TRIP11: variants seen among roughly 807,000 people sequenced by gnomAD.
TRIP11 encodes the protein thyroid hormone receptor interactor 11, also known as thyroid receptor-interacting protein 11.
TRIP11 carries 148 observed loss-of-function variants against 223.1 expected under a neutral mutation model. The ratio of observed to expected loss-of-function variants is 0.66; its 90% CI spans 0.58 to 0.76. TRIP11 has a LOEUF of 0.76. Among genes scored for constraint, TRIP11 ranks in the 30% least tolerant of loss-of-function variants. TRIP11 has a pLI of 0.00. For synonymous variants in TRIP11, 762 were observed against 772.6 expected, an observed-to-expected ratio of 0.99 and a Z score of 0.23; for missense variants, 2,043 against 2,222.0, an observed-to-expected ratio of 0.92 and a Z score of 1.62.
At position 91,967,768 on chromosome 14, in the gene TRIP11, C is replaced by T. The variant is rs2056354936; in HGVS notation, c.*1905G>A. The T allele has an allele frequency of 1.0e-5, 2 of 194,352 alleles. No homozygotes were observed. Among genetic ancestry groups the T allele is most frequent in the Admixed American group, 1.2e-4 (2 of 16,434 alleles). The allele number at this position is 194,352 out of a possible 1,614,324, so 12.0% of individuals were successfully genotyped here. A position where few individuals can be genotyped will look rare whatever the true frequency, so the allele number is the denominator to read the frequency against. On this transcript the variant is annotated 3_prime_UTR_variant, in exon 21 of 21. Coordinates refer to ENST00000267622, the MANE Select transcript of TRIP11 (RefSeq NM_004239.4). ...CTTAGAAACTAGTATTTCATTTCTC[C>T]ACACTGAAATGAAATTTCAATGGCA...
chr14:91,975,412 TA>T (rs1161024699), intron 17 of TRIP11, 126 bp from the exon 18 acceptor site: 4 of 506,128 alleles, frequency 7.9e-6, no homozygotes, highest in African/African-American at 4.0e-5. Flanking sequence ...CTAAACAAAA[TA>T]TTTTAAAGTG....
At position 92,026,479 on chromosome 14, in the gene TRIP11, C is replaced by A. The variant is rs1173012685; in HGVS notation, c.202-1059G>T. 6.1e-6 allele frequency: 5 copies of A among 820,520 alleles called. No homozygotes were observed. In the East Asian group the frequency reaches 1.3e-4, roughly 21 times the overall value. The allele number at this position is 820,520 out of a possible 1,614,324, so 50.8% of individuals were successfully genotyped here. On this transcript the variant is annotated intron_variant, in intron 2 of 20. Transcript: ENST00000267622. ...ATTGTTCCTCGTCCGCCTCCTTGCT[C>A]GCCGCAGCCGGCAGCTTTATCGCCA...
At chr14:92,024,203 C>T (rs1425779813) in intron 3 of TRIP11, among the ~76,000 whole-genome samples, 1 of 151,966 alleles carries the variant, frequency 6.6e-6, no homozygotes, top group Non-Finnish European at 1.5e-5. Flanking sequence ...CGTGGTGAAA[C>T]CCCATCTCTA....
chr14:91,992,079 C>CAAAAAAA (rs3031548), intron 15 of TRIP11, among the ~76,000 whole-genome samples: 15 of 59,716 alleles, frequency 2.5e-4, no homozygotes, highest in Admixed American at 2.9e-4. Flanking sequence ...AACGCCGTCT[C>CAAAAAAA]AAAAAAAAAA....
At position 92,018,811 on chromosome 14, in the gene TRIP11, A is replaced by G. The variant is rs1449120649; in HGVS notation, c.589-1061T>C. On this transcript the variant is annotated intron_variant, in intron 4 of 20. Coordinates refer to ENST00000267622, the MANE Select transcript of TRIP11 (RefSeq NM_004239.4). ...TCACTATTAAAAATACAAAAAAAAA[A>G]TTAGCTGGGAGTGGTGGCGGGTGCC... Among the ~76,000 whole-genome samples the G allele has an allele frequency of 3.8e-4, 57 of 151,828 alleles. 1 individual carries two copies. Among genetic ancestry groups the G allele is most frequent in the Admixed American group, 3.7e-3 (57 of 15,238 alleles).
At chr14:91,981,012 ATT>A (rs564098716) in intron 16 of TRIP11, among the ~76,000 whole-genome samples, 173 of 49,846 alleles carry the variant, frequency 3.5e-3, no homozygotes, top group African/African-American at 7.9e-3. Context: ...ATATATATAT[ATT>A]TTTTTTTTTT....
chr14:92,020,575 T>C (rs936625848), intron 4 of TRIP11, among the ~76,000 whole-genome samples: 3 of 151,924 alleles, frequency 2.0e-5, no homozygotes, highest in Non-Finnish European at 4.4e-5. Flanking sequence ...AGTCCTGGTG[T>C]TTACACCAGA....
At position 92,006,175 on chromosome 14, in the gene TRIP11, T is replaced by G; in HGVS notation, c.1801A>C (p.Ser601Arg). Residue 601 changes from serine to arginine, a missense_variant, in exon 11 of 21, where the codon AGC becomes CGC. Coordinates refer to ENST00000267622, the MANE Select transcript of TRIP11 (RefSeq NM_004239.4). ...QLNKSQESNV[S>R]IQKENLELKE... Reference sequence around the variant, plus strand: ...AGTTCTAAATTCTCCTTCTGGATGCTTACATTACTTTCTTGTGATTTATTT... The same window carrying G: ...AGTTCTAAATTCTCCTTCTGGATGCGTACATTACTTTCTTGTGATTTATTT... The G allele has an allele frequency of 6.2e-7, 1 of 1,613,216 alleles. No individual in the cohort carries two copies. Among genetic ancestry groups the G allele is most frequent in the Non-Finnish European group, 8.5e-7 (1 of 1,179,792 alleles).
At position 91,998,276 on chromosome 14, in the gene TRIP11, T is replaced by G. The variant is rs375227851; in HGVS notation, c.4892+964A>C. On this transcript the variant is annotated intron_variant, in intron 13 of 20. Transcript: ENST00000267622. ...TATAATCTCAGAAGTTTTAAAATGC[T>G]TCTTGATCTAGAAGTTCCGTTTCTC... Among the ~76,000 whole-genome samples the G allele has an allele frequency of 3.9e-5, 6 of 152,336 alleles. No homozygotes were observed. In the South Asian group the frequency reaches 1.2e-3, roughly 32 times the overall value.
chr14:92,014,611 G>A, intron 6 of TRIP11, 34 bp from the exon 7 acceptor site: 1 of 1,586,656 alleles, frequency 6.3e-7, no homozygotes, highest in Non-Finnish European at 8.5e-7. Flanking sequence ...GACATCAAAT[G>A]TCAAGTACCA....
At chr14:92,016,510 C>T (rs530054297) in intron 5 of TRIP11, among the ~76,000 whole-genome samples, 2 of 152,282 alleles carry the variant, frequency 1.3e-5, no homozygotes, top group African/African-American at 4.8e-5. Context: ...TTCAATCCTG[C>T]GGATGGACTA....
chr14:91,969,945 A>G, intron 20 of TRIP11, 52 bp from the exon 21 acceptor site: 1 of 1,514,844 alleles, frequency 6.6e-7, no homozygotes, highest in African/African-American at 1.4e-5. Context: ...AGAAGTCAAA[A>G]TGAAATAACT....
In TRIP11 at chr14:91,973,182, C is replaced by T. The variant is rs58692023; in HGVS notation, c.5575-321G>A. ...CTAGGATTACAGGTGCACGCCACCA[C>T]GCCCGGCTAATTTTTGCATTTTTAG... On this transcript the variant is annotated intron_variant, in intron 19 of 20. Coordinates refer to ENST00000267622, the MANE Select transcript of TRIP11 (RefSeq NM_004239.4). Among the ~76,000 whole-genome samples, 2,006 of 152,118 alleles carry T rather than the reference C, an allele frequency of 0.013. 30 individuals are homozygous for T. Among genetic ancestry groups the T allele is most frequent in the African/African-American group, 0.045 (1,875 of 41,480 alleles).
chr14:91,993,832 C>G lies in TRIP11; in HGVS notation c.5137G>C (p.Glu1713Gln), dbSNP rs137974620. 2.6e-3 allele frequency: 4,208 copies of G among 1,613,582 alleles called. 11 individuals carry two copies. The highest frequency in any genetic ancestry group is 3.2e-3 in the Middle Eastern group (19 of 6,028). The change falls in exon 15 of 21, where the codon GAA (glutamate) becomes CAA (glutamine). Residue 1713 changes from glutamate to glutamine, a missense_variant. Glu to Gln is a conservative substitution (Grantham distance 29). Coordinates refer to ENST00000267622, the MANE Select transcript of TRIP11 (RefSeq NM_004239.4). Reference sequence around the variant, plus strand: ...ACCTGTAATGATATCACTTTTCCTTCCAGATTTTCTGCGTTTTTCTTCCAT... The same window carrying G: ...ACCTGTAATGATATCACTTTTCCTTGCAGATTTTCTGCGTTTTTCTTCCAT... ...AEWKKNAENL[E>Q]GKVISLQECL... is the part of the protein sequence containing the mutation.
intron 16 of TRIP11, among the ~76,000 whole-genome samples, chr14:91,984,677 G>GA (rs1164293488): frequency 4.6e-5 from 7 of 152,072 alleles, no homozygotes; most frequent in African/African-American, 1.7e-4. Context: ...AGAAGGAAAG[G>GA]AAAATGTCAA....
At chr14:92,025,918 C>A (rs562465295) in intron 2 of TRIP11, among the ~76,000 whole-genome samples, 4 of 149,642 alleles carry the variant, frequency 2.7e-5, no homozygotes, top group African/African-American at 9.8e-5. Context: ...TTTATACAGA[C>A]AGAATATGCA....
intron 20 of TRIP11, among the ~76,000 whole-genome samples, chr14:91,972,166 C>T (rs555931919): frequency 2.6e-5 from 4 of 152,248 alleles, no homozygotes; most frequent in Admixed American, 2.6e-4. Flanking sequence ...ACCAACCGTC[C>T]GCTCTAGGCA....
intron 7 of TRIP11, among the ~76,000 whole-genome samples, chr14:92,013,917 C>T (rs929476555): frequency 6.6e-6 from 1 of 152,180 alleles, no homozygotes. Context: ...GAGATCGTTT[C>T]AAACAGGTAA....
At chr14:91,995,971 T>A (rs556792069) in intron 13 of TRIP11, among the ~76,000 whole-genome samples, 6 of 152,182 alleles carry the variant, frequency 3.9e-5, no homozygotes, top group Non-Finnish European at 5.9e-5. Flanking sequence ...TTTAATAAGA[T>A]GAAACATCCT....
Sources: gnomAD v4.1 joint callset for allele counts (sites outside exome capture counted in the v4.1 genomes callset) on GRCh38, gnomAD v4.1.1 for gene constraint, MANE v1.5 for transcripts, NCBI Gene and HGNC (gene_info 2026-07-23, HGNC 2026-07-21) for gene names.